Variants in HTR4 observed in about 807,000 individuals in gnomAD.
HTR4 encodes 5-hydroxytryptamine (serotonin) receptor 4, G protein-coupled.
A neutral mutation model predicts 36.8 loss-of-function variants in HTR4; 16 were observed. That is an observed-to-expected ratio of 0.43 (90% CI 0.29 to 0.66). The LOEUF (loss-of-function observed/expected upper bound fraction) is 0.66. Ranked by LOEUF, HTR4 falls within the 30% of genes least tolerant of loss-of-function variation. The probability of loss-of-function intolerance (pLI) is 0.13; values close to 1 mark genes in which losing one functional copy is unlikely to be tolerated. For missense variants in HTR4, 438 were observed against 490.9 expected (o/e 0.89, Z 1.02); for synonymous variants, 189 against 185.1 (o/e 1.02, Z -0.17).
intron 2 of HTR4, among the ~76,000 whole-genome samples, chr5:148,572,185 T>G (rs1350147039): frequency 1.3e-5 from 2 of 152,142 alleles, no homozygotes; most frequent in African/African-American, 4.8e-5. Context: ...TCAGTTTCTC[T>G]GCTTTGATAA....
chr5:148,520,467 ATCT>A (rs541358565), intron 5 of HTR4, among the ~76,000 whole-genome samples: 144 of 152,280 alleles, frequency 9.5e-4, no homozygotes, highest in African/African-American at 3.2e-3. Flanking sequence ...ACTTCCAAAG[ATCT>A]TCTCCATTAG....
chr5:148,545,448 C>T (rs531901107), intron 4 of HTR4, among the ~76,000 whole-genome samples: 181 of 152,336 alleles, frequency 1.2e-3, no homozygotes, highest in Non-Finnish European at 3.1e-4. Flanking sequence ...TGCCCTTGTT[C>T]GTAGCCTTGG....
chr5:148,484,319 C>T (rs757383708), intron 6 of HTR4: 11 of 1,613,056 alleles, frequency 6.8e-6, no homozygotes, highest in South Asian at 5.5e-5. Flanking sequence ...AGAATGGACC[C>T]GCTCTGGCAG....
chr5:148,645,950 A>G (rs1753867454), intron 1 of HTR4: 1 of 152,244 alleles, frequency 6.6e-6, no homozygotes, highest in African/African-American at 2.4e-5. Flanking sequence ...CTGATTTCAG[A>G]GGTCTGGAAT....
At chr5:148,489,938 T>G (rs989673364) in intron 6 of HTR4, among the ~76,000 whole-genome samples, 1 of 152,018 alleles carries the variant, frequency 6.6e-6, no homozygotes, top group African/African-American at 2.4e-5. Flanking sequence ...TCCTGAGTGA[T>G]AAACACGAAG....
At chr5:148,626,102 G>T (rs1581563757) in intron 2 of HTR4, among the ~76,000 whole-genome samples, 2 of 152,058 alleles carry the variant, frequency 1.3e-5, no homozygotes, top group African/African-American at 4.8e-5. Context: ...CTCAGTTAGG[G>T]GTGTCATCTG....
intron 1 of HTR4, among the ~76,000 whole-genome samples, chr5:148,643,554 G>A (rs1753788898): frequency 6.6e-6 from 1 of 152,166 alleles, no homozygotes; most frequent in Non-Finnish European, 1.5e-5. Flanking sequence ...ATTAATTTAT[G>A]TGCTTTTGCA....
intron 2 of HTR4, among the ~76,000 whole-genome samples, chr5:148,556,614 A>G (rs536252120): frequency 6.6e-6 from 1 of 152,210 alleles, no homozygotes; most frequent in Admixed American, 6.5e-5. Context: ...AAATAAATAC[A>G]GTTTGTGATC....
In HTR4 at chr5:148,454,076, C is replaced by T. The variant is rs191598991; in HGVS notation, c.1077-2804G>A. On this transcript the variant is annotated intron_variant, in intron 5 of 5. Coordinates refer to the HTR4 transcript ENST00000521530. ...CCTTGTCTTGTCAGCTAGAGGGCTG[C>T]GTTATGCAGAATAGTAACCATGACC... Among the ~76,000 whole-genome samples, 1,354 of 152,312 alleles carry T rather than the reference C, an allele frequency of 8.9e-3. 13 individuals are homozygous for T. Among genetic ancestry groups the T allele is most frequent in the Middle Eastern group, 0.027 (8 of 294 alleles).
chr5:148,479,626 C>T (rs1755812197), downstream of HTR4, among the ~76,000 whole-genome samples: 2 of 152,164 alleles, frequency 1.3e-5, no homozygotes, highest in African/African-American at 4.8e-5. Flanking sequence ...GCCAAAGATG[C>T]TTTCCATGTA....
At chr5:148,541,108 A>G (rs1322477823) in intron 4 of HTR4, among the ~76,000 whole-genome samples, 1 of 152,154 alleles carries the variant, frequency 6.6e-6, no homozygotes, top group Non-Finnish European at 1.5e-5. Flanking sequence ...GGGATTTTCT[A>G]TTAATAACAC....
intron 2 of HTR4, among the ~76,000 whole-genome samples, chr5:148,634,007 C>T (rs1037430862): frequency 6.6e-6 from 1 of 152,052 alleles, no homozygotes; most frequent in Non-Finnish European, 1.5e-5. Flanking sequence ...TAGCAAGGAC[C>T]AAGCTGAATT....
intron 2 of HTR4, among the ~76,000 whole-genome samples, chr5:148,553,632 A>C (rs1277815312): frequency 6.6e-6 from 1 of 152,252 alleles, no homozygotes; most frequent in Admixed American, 6.5e-5. Flanking sequence ...TCCCTGGCAC[A>C]GAAAGTGTTT....
chr5:148,602,887 A>G (rs1202083714), intron 2 of HTR4, among the ~76,000 whole-genome samples: 1 of 152,168 alleles, frequency 6.6e-6, no homozygotes, highest in Non-Finnish European at 1.5e-5. Flanking sequence ...TAAAATTTAG[A>G]TGAAATGGAG....
chr5:148,639,817 T>C lies in HTR4; in HGVS notation c.-47-2756A>G, dbSNP rs996748413. ...AGTCAACTAAGTAGTTCATTAGTTT[T>C]GCAAATGAGAAAACTGAGGCTTAGG... is the stretch of plus-strand genomic sequence containing the variant. On this transcript the variant is annotated intron_variant, in intron 1 of 6. Transcript: ENST00000377888. 3.9e-5 allele frequency among the ~76,000 whole-genome samples: 6 copies of C among 152,174 alleles called. No individual in the cohort carries two copies. The South Asian group carries it at 1.2e-3, about 32-fold the overall frequency.
intron 2 of HTR4, among the ~76,000 whole-genome samples, chr5:148,604,649 C>G (rs184459628): frequency 3.7e-4 from 57 of 152,212 alleles, no homozygotes; most frequent in Admixed American, 3.1e-3. Context: ...TGCATTCATC[C>G]AATGGAATAG....
intron 2 of HTR4, among the ~76,000 whole-genome samples, chr5:148,582,359 T>C (rs1340635681): frequency 6.6e-6 from 1 of 152,042 alleles, no homozygotes; most frequent in Non-Finnish European, 1.5e-5. Flanking sequence ...GGGTATATTG[T>C]GTGATGCTGA....
intron 2 of HTR4, among the ~76,000 whole-genome samples, chr5:148,616,227 A>G (rs1752684330): frequency 6.6e-6 from 1 of 152,194 alleles, no homozygotes; most frequent in Non-Finnish European, 1.5e-5. Flanking sequence ...AGGCACACTT[A>G]TTTTAAACCT....
intron 6 of HTR4, among the ~76,000 whole-genome samples, chr5:148,494,206 G>A (rs17706497): frequency 0.03 from 4,568 of 152,302 alleles, 90 homozygotes; most frequent in Non-Finnish European, 0.045. Context: ...CAGATGAACA[G>A]TGAAGTATAA....
Sources: allele counts gnomAD v4.1 joint callset (sites outside exome capture counted in the v4.1 genomes callset), GRCh38; gene constraint gnomAD v4.1.1; transcripts MANE v1.5; gene names NCBI Gene and HGNC (gene_info 2026-07-23, HGNC 2026-07-21).